Variants in NAMPT observed in about 807,000 individuals in gnomAD.
NAMPT encodes nicotinamide phosphoribosyltransferase.
NAMPT carries 7 observed loss-of-function variants against 58.7 expected under a neutral mutation model. The ratio of observed to expected loss-of-function variants is 0.12; its 90% CI spans 0.07 to 0.22. The LOEUF (loss-of-function observed/expected upper bound fraction) is 0.22, where lower values mean the gene tolerates loss of function less well. Among genes scored for constraint, NAMPT ranks in the 10% least tolerant of loss-of-function variants. The pLI is 1.00. For missense variants in NAMPT, 271 were observed against 567.9 expected (o/e 0.48, Z 5.31); for synonymous variants, 145 against 198.1 (o/e 0.73, Z 2.25).
At chr7:106,260,949 A>G (rs780680883) in intron 8 of NAMPT, among the ~76,000 whole-genome samples, 1 of 152,204 alleles carries the variant, frequency 6.6e-6, no homozygotes, top group Non-Finnish European at 1.5e-5. Flanking sequence ...TATAATGACA[A>G]AGTCTGAAAT....
At chr7:106,277,917 T>C (rs552313133) in intron 1 of NAMPT, among the ~76,000 whole-genome samples, 7 of 152,354 alleles carry the variant, frequency 4.6e-5, no homozygotes, top group Non-Finnish European at 1.0e-4. Flanking sequence ...AAAGTGAGTG[T>C]TCATTATACT....
intron 9 of NAMPT, among the ~76,000 whole-genome samples, chr7:106,254,099 C>T (rs1400959937): frequency 2.6e-5 from 4 of 152,080 alleles, no homozygotes; most frequent in Non-Finnish European, 5.9e-5. Flanking sequence ...GTAAAAACGG[C>T]AGTGGGAAAT....
chr7:106,264,644 T>C (rs560702662), intron 6 of NAMPT, among the ~76,000 whole-genome samples: 15 of 152,182 alleles, frequency 9.9e-5, no homozygotes, highest in African/African-American at 2.9e-4. Context: ...ATATATAATG[T>C]AAATAATTTT....
At chr7:106,257,856 C>G (rs1207444369) in intron 8 of NAMPT, among the ~76,000 whole-genome samples, 1 of 151,822 alleles carries the variant, frequency 6.6e-6, no homozygotes, top group Non-Finnish European at 1.5e-5. Context: ...GAAACAGATA[C>G]AGTACCCTGC....
chr7:106,257,464 T>TAAAA (rs58198836), intron 8 of NAMPT, among the ~76,000 whole-genome samples: 1 of 125,700 alleles, frequency 8.0e-6, no homozygotes, highest in African/African-American at 3.1e-5. Context: ...TACAAAACAT[T>TAAAA]AAAAAAAAAA....
intron 8 of NAMPT, among the ~76,000 whole-genome samples, chr7:106,259,660 T>A (rs1204523204): frequency 6.6e-6 from 1 of 152,150 alleles, no homozygotes; most frequent in African/African-American, 2.4e-5. Context: ...CCTGATTGCG[T>A]GATCTGCCTG....
At chr7:106,257,482 A>G (rs1586012758) in intron 8 of NAMPT, among the ~76,000 whole-genome samples, 1 of 133,314 alleles carries the variant, frequency 7.5e-6, no homozygotes, top group Non-Finnish European at 1.6e-5. Flanking sequence ...AAAAAAAAAA[A>G]GAGTCAGGTG....
chr7:106,281,396 C>T (rs1285558117), intron 1 of NAMPT, among the ~76,000 whole-genome samples: 2 of 152,086 alleles, frequency 1.3e-5, no homozygotes, highest in African/African-American at 2.4e-5. Context: ...AATGCAAGTA[C>T]TACTATCTTA....
intron 1 of NAMPT, 105 bp from the exon 2 acceptor site, chr7:106,277,284 T>C (rs1410816467): frequency 2.1e-6 from 2 of 958,868 alleles, no homozygotes; most frequent in African/African-American, 1.7e-5. Context: ...CTATATTTCT[T>C]GTTTGCTATT....
intron 1 of NAMPT, among the ~76,000 whole-genome samples, chr7:106,277,957 T>TCAAA (rs1792683785): frequency 2.0e-5 from 3 of 152,296 alleles, no homozygotes; most frequent in Admixed American, 6.5e-5. Context: ...GGAAATAAAT[T>TCAAA]CAAACATTTT....
At chr7:106,260,570 T>C (rs1792285184) in intron 8 of NAMPT, among the ~76,000 whole-genome samples, 1 of 152,238 alleles carries the variant, frequency 6.6e-6, no homozygotes. Flanking sequence ...AACTTTTCCT[T>C]TGCATTCACA....
At chr7:106,258,776 T>TC (rs1374234297) in intron 8 of NAMPT, among the ~76,000 whole-genome samples, 1 of 152,248 alleles carries the variant, frequency 6.6e-6, no homozygotes, top group Non-Finnish European at 1.5e-5. Flanking sequence ...ACTTGAGCCT[T>TC]CAGTGAGTCA....
chr7:106,264,279 AC>A (rs1459114681), intron 6 of NAMPT, among the ~76,000 whole-genome samples: 2 of 152,086 alleles, frequency 1.3e-5, no homozygotes, highest in African/African-American at 2.4e-5. Flanking sequence ...TTTAAGCAAA[AC>A]ATAATTAAGA....
At chr7:106,277,827 T>C (rs1262181255) in intron 1 of NAMPT, among the ~76,000 whole-genome samples, 1 of 152,246 alleles carries the variant, frequency 6.6e-6, no homozygotes, top group Non-Finnish European at 1.5e-5. Context: ...AGGTCTTCCT[T>C]AGCACAAATT....
intron 8 of NAMPT, among the ~76,000 whole-genome samples, chr7:106,255,389 T>C (rs1167342473): frequency 2.0e-5 from 3 of 152,218 alleles, no homozygotes; most frequent in Non-Finnish European, 4.4e-5. Flanking sequence ...CTGACTCTGT[T>C]TTAAACAGAA....
intron 1 of NAMPT, 155 bp downstream of exon 1, chr7:106,284,673 C>G: frequency 2.2e-6 from 2 of 895,622 alleles, no homozygotes; most frequent in Non-Finnish European, 1.4e-6. Context: ...CCTGCCCCAG[C>G]CGCCGCCGCC....
chr7:106,279,648 T>G (rs1239499291), intron 1 of NAMPT, among the ~76,000 whole-genome samples: 1 of 152,234 alleles, frequency 6.6e-6, no homozygotes, highest in Non-Finnish European at 1.5e-5. Context: ...TTATAAATAC[T>G]TCATTCACAA....
chr7:106,269,341 T>G, intron 4 of NAMPT, 29 bp from the exon 5 acceptor site: 1 of 1,594,364 alleles, frequency 6.3e-7, no homozygotes. Context: ...CCACAAATAT[T>G]AAGACATAAA....
rs1197041936 is a variant in NAMPT at position 106,250,679 on chromosome 7, A to AACTTCAAATATATCTT, written c.*388_*403dup. 6.4e-6 allele frequency: 1 copy of AACTTCAAATATATCTT among 156,920 alleles called. No individual in the cohort carries two copies. Among genetic ancestry groups the AACTTCAAATATATCTT allele is most frequent in the East Asian group, 1.9e-4 (1 of 5,298 alleles). The allele number at this position is 156,920 out of a possible 1,614,324, so 9.7% of individuals were successfully genotyped here. On this transcript the variant is annotated 3_prime_UTR_variant, in exon 11 of 11. Transcript: ENST00000222553. ...GTTGGAAAGACTGTTAAATCACTGA[A>AACTTCAAATATATCTT]ACTTCAAATATATCTTACACAATCT... is the stretch of plus-strand genomic sequence containing the variant.
Sources: allele counts gnomAD v4.1 joint callset (sites outside exome capture counted in the v4.1 genomes callset), GRCh38; gene constraint gnomAD v4.1.1; transcripts MANE v1.5; gene names NCBI Gene and HGNC (gene_info 2026-07-23, HGNC 2026-07-21).